Variants in ABCC1 observed in about 807,000 individuals in gnomAD.
ABCC1 encodes the protein ATP binding cassette subfamily C member 1 (ABCC1 blood group).
ABCC1 carries 83 observed loss-of-function variants against 172.9 expected under a neutral mutation model. The observed-to-expected ratio is 0.48, with a 90% CI of 0.40 to 0.58. The LOEUF is 0.58. Ranked by LOEUF, ABCC1 falls within the 20% of genes least tolerant of loss-of-function variation. The pLI is 0.00. For synonymous variants in ABCC1, 937 were observed against 825.2 expected (o/e 1.14, Z -2.32); for missense variants, 1,817 against 2,002.7 (o/e 0.91, Z 1.77).
intron 3 of ABCC1, among the ~76,000 whole-genome samples, chr16:16,013,028 G>A (rs1379773070): frequency 6.6e-6 from 1 of 152,032 alleles, no homozygotes; most frequent in Non-Finnish European, 1.5e-5. Context: ...TCACCCTGGG[G>A]GAAACAGGGG....
intron 3 of ABCC1, among the ~76,000 whole-genome samples, chr16:16,010,963 G>A (rs765631801): frequency 6.6e-5 from 10 of 152,218 alleles, no homozygotes; most frequent in Non-Finnish European, 1.5e-4. Flanking sequence ...GCTGGGCATC[G>A]TGGCTCATGC....
At chr16:16,136,117 G>A (rs138948574) in intron 28 of ABCC1, among the ~76,000 whole-genome samples, 261 of 151,706 alleles carry the variant, frequency 1.7e-3, no homozygotes, top group African/African-American at 6.1e-3. Flanking sequence ...TCCGTCTCCC[G>A]GGTTCAAGTG....
chr16:15,980,201 T>C (rs917094615), intron 1 of ABCC1, among the ~76,000 whole-genome samples: 9 of 152,122 alleles, frequency 5.9e-5, no homozygotes, highest in Non-Finnish European at 1.3e-4. Flanking sequence ...ATAGTCTTTC[T>C]TATAATATGT....
At chr16:15,983,437 AG>A (rs2046673202) in intron 1 of ABCC1, among the ~76,000 whole-genome samples, 1 of 151,510 alleles carries the variant, frequency 6.6e-6, no homozygotes, top group African/African-American at 2.4e-5. Context: ...TGCGGTTGGG[AG>A]GGGAGTCAGG....
chr16:15,964,565 C>G (rs1317229364), intron 1 of ABCC1, among the ~76,000 whole-genome samples: 1 of 151,918 alleles, frequency 6.6e-6, no homozygotes, highest in East Asian at 1.9e-4. Context: ...TAACCAATAA[C>G]CAATGTATTC....
At chr16:15,985,501 A>G (rs2046722534) in intron 1 of ABCC1, among the ~76,000 whole-genome samples, 2 of 151,650 alleles carry the variant, frequency 1.3e-5, no homozygotes, top group Admixed American at 1.3e-4. Context: ...CTGGAGTGCA[A>G]TGGCACCATC....
At chr16:16,096,263 AAAG>A (rs2051476870) in intron 19 of ABCC1, among the ~76,000 whole-genome samples, 1 of 152,070 alleles carries the variant, frequency 6.6e-6, no homozygotes, top group Admixed American at 6.5e-5. Context: ...AACTCCCGAG[AAAG>A]AACATCTTTC....
intron 6 of ABCC1, among the ~76,000 whole-genome samples, chr16:16,034,580 C>CTTTTT (rs35163690): frequency 3.1e-4 from 26 of 84,678 alleles, no homozygotes; most frequent in East Asian, 1.3e-3. Context: ...TGTATGTTAA[C>CTTTTT]TTTTTTTTTT....
chr16:16,083,307 T>C (rs1057299292), intron 16 of ABCC1, 59 bp from the exon 17 acceptor site: 10 of 1,552,704 alleles, frequency 6.4e-6, no homozygotes, highest in South Asian at 1.2e-5. Flanking sequence ...CCAGCTGTTG[T>C]CTCGTTGATC....
intron 5 of ABCC1, 144 bp from the exon 6 acceptor site, chr16:16,032,965 T>C (rs1261698507): frequency 1.4e-6 from 1 of 705,770 alleles, no homozygotes; most frequent in South Asian, 1.8e-5. Flanking sequence ...GAGGGTCCTT[T>C]TGGGGTGCAG....
At chr16:15,984,028 G>A (rs531693095) in intron 1 of ABCC1, among the ~76,000 whole-genome samples, 1 of 152,304 alleles carries the variant, frequency 6.6e-6, no homozygotes, top group South Asian at 2.1e-4. Context: ...GGATTGGTGT[G>A]TGGGTCAGGC....
chr16:15,997,814 T>TC, intron 1 of ABCC1, among the ~76,000 whole-genome samples: 1 of 136,526 alleles, frequency 7.3e-6, no homozygotes, highest in East Asian at 2.0e-4. Flanking sequence ...CCTTTTTTTT[T>TC]TTTTTTTTTT....
intron 3 of ABCC1, among the ~76,000 whole-genome samples, chr16:16,012,650 G>T (rs1305342116): frequency 6.6e-6 from 1 of 151,148 alleles, no homozygotes; most frequent in African/African-American, 2.4e-5. Flanking sequence ...TTTTTGACTT[G>T]AGTAGGTCAT....
chr16:16,034,778 G>T (rs2048691987), intron 6 of ABCC1, among the ~76,000 whole-genome samples: 1 of 151,834 alleles, frequency 6.6e-6, no homozygotes, highest in South Asian at 2.1e-4. Flanking sequence ...AGTAGAGATG[G>T]AGTTTCACTG....
intron 26 of ABCC1, among the ~76,000 whole-genome samples, chr16:16,130,992 G>T (rs796529643): frequency 6.6e-6 from 1 of 152,044 alleles, no homozygotes; most frequent in Non-Finnish European, 1.5e-5. Flanking sequence ...GTGGTGGCGG[G>T]TGTCTGTAAT....
intron 23 of ABCC1, among the ~76,000 whole-genome samples, chr16:16,116,235 A>G (rs1567423615): frequency 1.3e-5 from 2 of 152,010 alleles, no homozygotes; most frequent in Admixed American, 6.6e-5. Context: ...TCATGGTCCA[A>G]GGTGGCTGCT....
intron 1 of ABCC1, among the ~76,000 whole-genome samples, chr16:15,952,016 TC>T (rs2045885603): frequency 6.6e-6 from 1 of 152,206 alleles, no homozygotes; most frequent in South Asian, 2.1e-4. Context: ...AGGTAGCGTG[TC>T]CGAGGCCAGG....
rs772434589 is a variant in ABCC1, at chr16:16,014,469, T to C, written c.352-22T>C. 6.2e-6 allele frequency: 10 copies of C among 1,610,448 alleles called. No individual in the cohort carries two copies. The South Asian group carries it at 7.8e-5, about 12-fold the overall frequency. On this transcript the variant is annotated intron_variant, in intron 3 of 30. Transcript: ENST00000399410. ...TCTCAAAAAAAAACCCAACAACTCC[T>C]GTCTTGTGCTTCTCTCCTCAGCTGC...
At chr16:16,110,374 C>T (rs925914498) in intron 21 of ABCC1, among the ~76,000 whole-genome samples, 32 of 151,894 alleles carry the variant, frequency 2.1e-4, no homozygotes, top group Non-Finnish European at 4.1e-4. Flanking sequence ...GTGTGAGCCA[C>T]GATGCCCAGC....
Sources: gnomAD v4.1 joint callset for allele counts (sites outside exome capture counted in the v4.1 genomes callset) on GRCh38, gnomAD v4.1.1 for gene constraint, MANE v1.5 for transcripts, NCBI Gene and HGNC (gene_info 2026-07-23, HGNC 2026-07-21) for gene names.